Variants in ABCC9 observed in about 807,000 individuals in gnomAD.
The protein encoded by ABCC9 is ATP binding cassette subfamily C member 9.
Under a neutral mutation model 188.3 loss-of-function variants are expected in ABCC9, and 95 were observed. That is an observed-to-expected ratio of 0.50 (90% CI 0.43 to 0.60). ABCC9 has a LOEUF of 0.60. Among genes scored for constraint, ABCC9 ranks in the 20% least tolerant of loss-of-function variants. ABCC9 has a pLI of 0.00. For synonymous variants in ABCC9, 659 were observed against 652.7 expected, an observed-to-expected ratio of 1.01 and a Z score of -0.15; for missense variants, 1,102 against 1,876.3, an observed-to-expected ratio of 0.59 and a Z score of 7.62.
chr12:21,934,600 T>A (rs1328441368), intron 3 of ABCC9, among the ~76,000 whole-genome samples: 2 of 150,776 alleles, frequency 1.3e-5, no homozygotes, highest in African/African-American at 4.8e-5. Flanking sequence ...TAAAGTACTA[T>A]ACAGTTTAGT....
At chr12:21,822,509 A>G (rs1294290800) in intron 31 of ABCC9, among the ~76,000 whole-genome samples, 4 of 152,092 alleles carry the variant, frequency 2.6e-5, no homozygotes, top group Non-Finnish European at 5.9e-5. Flanking sequence ...CTAACATAAA[A>G]GCTTTTGTGG....
intron 12 of ABCC9, among the ~76,000 whole-genome samples, chr12:21,904,845 T>C (rs1406366885): frequency 1.3e-5 from 2 of 152,216 alleles, no homozygotes; most frequent in Non-Finnish European, 2.9e-5. Context: ...TATAAACTGG[T>C]TCAACCATTG....
intron 22 of ABCC9, among the ~76,000 whole-genome samples, chr12:21,857,389 A>C (rs2137478176): frequency 6.6e-6 from 1 of 152,314 alleles, no homozygotes; most frequent in Admixed American, 6.5e-5. Flanking sequence ...TTGCTGCAGA[A>C]GTAGAGTGCA....
At chr12:21,868,530 T>C (rs1945900011) in intron 18 of ABCC9, among the ~76,000 whole-genome samples, 4 of 152,032 alleles carry the variant, frequency 2.6e-5, no homozygotes, top group Admixed American at 2.6e-4. Context: ...TCTCAGCTAC[T>C]CAGGAGGCTG....
intron 35 of ABCC9, among the ~76,000 whole-genome samples, chr12:21,813,351 T>C (rs577957944): frequency 6.6e-6 from 1 of 152,322 alleles, no homozygotes; most frequent in African/African-American, 2.4e-5. Context: ...TGAGATAAGA[T>C]GTCAGGCTCA....
chr12:21,802,978 T>G (rs1941565348), intron 39 of ABCC9, among the ~76,000 whole-genome samples: 1 of 151,994 alleles, frequency 6.6e-6, no homozygotes. Context: ...CATGTGCCAG[T>G]TTTCAATACC....
intron 19 of ABCC9, 34 bp from the exon 20 acceptor site, chr12:21,863,088 G>A (rs767726467): frequency 2.1e-5 from 29 of 1,387,830 alleles, no homozygotes; most frequent in Non-Finnish European, 2.9e-5. Flanking sequence ...AAAACACCAG[G>A]ATTATGCAAA....
chr12:21,822,790 CAAAAA>C (rs538002229), intron 31 of ABCC9, among the ~76,000 whole-genome samples: 3 of 84,296 alleles, frequency 3.6e-5, no homozygotes, highest in Admixed American at 1.3e-4. Flanking sequence ...GACTCCGTCT[CAAAAA>C]AAAAAAAAAA....
At chr12:21,822,072 A>C (rs1253675585) in intron 31 of ABCC9, among the ~76,000 whole-genome samples, 1 of 152,148 alleles carries the variant, frequency 6.6e-6, no homozygotes, top group African/African-American at 2.4e-5. Context: ...TTTGAGGTAC[A>C]TTTTATAGCA....
intron 2 of ABCC9, 113 bp downstream of exon 2, chr12:21,940,597 T>C (rs1949650775): frequency 6.6e-6 from 1 of 152,196 alleles, no homozygotes; most frequent in Non-Finnish European, 1.5e-5. Context: ...GGCTGTGAAG[T>C]ACCATCCCAC....
At chr12:21,902,202 G>A (rs1280314970) in intron 12 of ABCC9, among the ~76,000 whole-genome samples, 2 of 152,118 alleles carry the variant, frequency 1.3e-5, no homozygotes, top group African/African-American at 4.8e-5. Context: ...TGACCACTGG[G>A]TACATAACGA....
At chr12:21,836,402 A>T (rs1180316616) in intron 30 of ABCC9, among the ~76,000 whole-genome samples, 1 of 152,204 alleles carries the variant, frequency 6.6e-6, no homozygotes, top group Non-Finnish European at 1.5e-5. Flanking sequence ...TTCCAACAGT[A>T]CTGGACTCTT....
Position 21,797,951 on chromosome 12 carries a change from A to G in ABCC9, c.*3093T>C, listed in dbSNP as rs1181858273. 1.3e-5 allele frequency: 2 copies of G among 152,190 alleles called. No individual in the cohort carries two copies. The highest frequency in any genetic ancestry group is 2.9e-5 in the Non-Finnish European group (2 of 68,048). 9.4% of individuals were successfully genotyped at this position (152,190 alleles called of 1,614,324 possible). ...TAGTTAAGGTGGTCATCTTTTACAG[A>G]TATGTACCTATATAGTCAAATATTA... On this transcript the variant is annotated 3_prime_UTR_variant, in exon 40 of 40. Transcript: ENST00000261200.
intron 20 of ABCC9, among the ~76,000 whole-genome samples, chr12:21,861,935 C>G (rs1209871405): frequency 3.9e-5 from 6 of 151,972 alleles, no homozygotes; most frequent in Non-Finnish European, 7.4e-5. Flanking sequence ...AAGGCTGGGA[C>G]TGGAAATCAG....
chr12:21,834,949 C>G (rs1434849841), intron 30 of ABCC9, among the ~76,000 whole-genome samples: 2 of 151,914 alleles, frequency 1.3e-5, no homozygotes, highest in Non-Finnish European at 2.9e-5. Flanking sequence ...ATCAAGGTTG[C>G]CAAGACGTAG....
intron 4 of ABCC9, among the ~76,000 whole-genome samples, chr12:21,928,975 G>A (rs1027871630): frequency 6.6e-6 from 1 of 151,836 alleles, no homozygotes; most frequent in African/African-American, 2.4e-5. Flanking sequence ...TCAGAACATT[G>A]GAAAGAAATT....
At chr12:21,801,329 T>C (rs553546964) in intron 39 of ABCC9, 148 bp from the exon 40 acceptor site, 9 of 1,043,894 alleles carry the variant, frequency 8.6e-6, no homozygotes, top group African/African-American at 1.6e-5. Flanking sequence ...CTCCCCTTTT[T>C]TCCTTATTTA....
At chr12:21,930,526 A>T (rs1565496150) in intron 4 of ABCC9, among the ~76,000 whole-genome samples, 1 of 152,206 alleles carries the variant, frequency 6.6e-6, no homozygotes, top group Admixed American at 6.5e-5. Context: ...CATCTGTAAA[A>T]CTAAGACAAG....
chr12:21,811,897 G>A (rs1383910219), intron 36 of ABCC9, 152 bp downstream of exon 36: 1 of 659,352 alleles, frequency 1.5e-6, no homozygotes, highest in Admixed American at 2.3e-5. Flanking sequence ...ACAACTCTAG[G>A]CTTTTCCAAT....
Sources: allele counts gnomAD v4.1 joint callset (sites outside exome capture counted in the v4.1 genomes callset), GRCh38; gene constraint gnomAD v4.1.1; transcripts MANE v1.5; gene names NCBI Gene and HGNC (gene_info 2026-07-23, HGNC 2026-07-21).